Variants in ERBB4 observed in about 807,000 individuals in gnomAD.
The protein encoded by ERBB4 is receptor tyrosine-protein kinase erbB-4.
In ERBB4, 42 loss-of-function variants were observed where a neutral mutation model predicts 158.0. The ratio of observed to expected loss-of-function variants is 0.27; its 90% CI spans 0.21 to 0.34. The LOEUF is 0.34. Ranked by LOEUF, ERBB4 falls within the 10% of genes least tolerant of loss-of-function variation. The pLI is 1.00. For synonymous variants in ERBB4, 583 were observed against 558.7 expected (o/e 1.04, Z -0.61); for missense variants, 1,333 against 1,624.1 (o/e 0.82, Z 3.08).
At chr2:211,722,292 T>C (rs1559458008) in intron 7 of ERBB4, 101 bp downstream of exon 7, 4 of 981,858 alleles carry the variant, frequency 4.1e-6, no homozygotes, top group Non-Finnish European at 1.6e-6. Flanking sequence ...AAAGTACTTA[T>C]AATATTCTTA....
intron 20 of ERBB4, among the ~76,000 whole-genome samples, chr2:211,518,563 A>G (rs1232606419): frequency 1.3e-5 from 2 of 151,978 alleles, no homozygotes; most frequent in Non-Finnish European, 2.9e-5. Flanking sequence ...CTGAGGCAGG[A>G]GAATTGCTTG....
At chr2:211,524,889 C>T (rs932220783) in intron 20 of ERBB4, among the ~76,000 whole-genome samples, 5 of 152,298 alleles carry the variant, frequency 3.3e-5, no homozygotes, top group African/African-American at 4.8e-5. Flanking sequence ...GCAGAGGAGG[C>T]GCTGAGAGCG....
intron 13 of ERBB4, among the ~76,000 whole-genome samples, chr2:211,675,429 T>C (rs2072022902): frequency 2.0e-5 from 3 of 152,068 alleles, no homozygotes; most frequent in Admixed American, 1.3e-4. Flanking sequence ...AAATAAGATT[T>C]CATTGAGAAG....
chr2:212,078,945 T>C (rs2078352881), intron 2 of ERBB4, among the ~76,000 whole-genome samples: 1 of 151,238 alleles, frequency 6.6e-6, no homozygotes, highest in Non-Finnish European at 1.5e-5. Flanking sequence ...ACATACTTTT[T>C]AATAACTTAT....
intron 1 of ERBB4, among the ~76,000 whole-genome samples, chr2:212,370,744 TAA>T (rs1372299735): frequency 3.3e-5 from 5 of 152,282 alleles, no homozygotes; most frequent in Non-Finnish European, 7.4e-5. Context: ...TGTTTTTATA[TAA>T]CCCTTAAACA....
intron 1 of ERBB4, among the ~76,000 whole-genome samples, chr2:212,190,945 A>G (rs2082170449): frequency 6.6e-6 from 1 of 152,114 alleles, no homozygotes; most frequent in African/African-American, 2.4e-5. Flanking sequence ...ATGCATCTCA[A>G]TTAGACTCAG....
intron 1 of ERBB4, among the ~76,000 whole-genome samples, chr2:212,519,557 G>A (rs1021347476): frequency 6.6e-6 from 1 of 151,894 alleles, no homozygotes; most frequent in African/African-American, 2.4e-5. Flanking sequence ...GGGGCTAGAG[G>A]AGGGATAGCA....
intron 1 of ERBB4, among the ~76,000 whole-genome samples, chr2:212,444,701 T>C (rs968903205): frequency 6.6e-6 from 1 of 152,146 alleles, no homozygotes; most frequent in African/African-American, 2.4e-5. Context: ...AGGTTATGCA[T>C]GGGCTCAACA....
At chr2:211,728,092 C>G (rs971234186) in intron 5 of ERBB4, among the ~76,000 whole-genome samples, 5 of 151,628 alleles carry the variant, frequency 3.3e-5, no homozygotes, top group Non-Finnish European at 7.4e-5. Flanking sequence ...CCAAATCACA[C>G]CTTTGTATTG....
chr2:211,596,564 C>G (rs1006206415), intron 19 of ERBB4, among the ~76,000 whole-genome samples: 1 of 152,172 alleles, frequency 6.6e-6, no homozygotes, highest in Middle Eastern at 3.4e-3. Context: ...TCCTAATAAA[C>G]CTCTGCATTC....
chr2:212,000,907 T>A (rs1228369503), intron 2 of ERBB4, among the ~76,000 whole-genome samples: 1 of 151,856 alleles, frequency 6.6e-6, no homozygotes, highest in Admixed American at 6.6e-5. Flanking sequence ...AAAAAATAAA[T>A]TATATCCAAC....
intron 4 of ERBB4, among the ~76,000 whole-genome samples, chr2:211,762,845 T>A (rs2075449342): frequency 6.6e-6 from 1 of 152,222 alleles, no homozygotes; most frequent in Admixed American, 6.5e-5. Context: ...CAATCCTAGT[T>A]TTCTCTCTCT....
intron 2 of ERBB4, among the ~76,000 whole-genome samples, chr2:212,042,797 T>C (rs1465397161): frequency 1.3e-5 from 2 of 152,158 alleles, no homozygotes; most frequent in Non-Finnish European, 2.9e-5. Context: ...TGGTTTACCA[T>C]TGTGATCATT....
intron 2 of ERBB4, among the ~76,000 whole-genome samples, chr2:212,117,364 T>C (rs898662025): frequency 6.6e-6 from 1 of 152,218 alleles, no homozygotes; most frequent in Non-Finnish European, 1.5e-5. Flanking sequence ...TTCTTGAAGG[T>C]ACAGTTTCCT....
intron 8 of ERBB4, among the ~76,000 whole-genome samples, chr2:211,713,173 G>C (rs1453063836): frequency 6.6e-6 from 1 of 152,004 alleles, no homozygotes; most frequent in Non-Finnish European, 1.5e-5. Flanking sequence ...AGATAATTTT[G>C]TATATAGTGG....
At chr2:212,211,677 G>A (rs2082939799) in intron 1 of ERBB4, among the ~76,000 whole-genome samples, 1 of 150,286 alleles carries the variant, frequency 6.7e-6, no homozygotes, top group Non-Finnish European at 1.5e-5. Context: ...GTATATGTGT[G>A]CCATGGTGGT....
At chr2:211,931,907 T>C (rs759813208) in intron 3 of ERBB4, among the ~76,000 whole-genome samples, 5 of 152,226 alleles carry the variant, frequency 3.3e-5, no homozygotes, top group Non-Finnish European at 5.9e-5. Context: ...ACATATATTG[T>C]GTTCTAAACA....
intron 3 of ERBB4, among the ~76,000 whole-genome samples, chr2:211,905,674 A>G: frequency 7.8e-6 from 1 of 128,578 alleles, no homozygotes; most frequent in Non-Finnish European, 1.6e-5. Flanking sequence ...ATATATATAT[A>G]TATATATACA....
At chr2:211,720,249 T>C (rs754256535) in intron 7 of ERBB4, among the ~76,000 whole-genome samples, 7 of 152,258 alleles carry the variant, frequency 4.6e-5, no homozygotes, top group Admixed American at 1.3e-4. Context: ...TATGTGTGCC[T>C]GCTGTATTAG....
Sources: allele counts gnomAD v4.1 joint callset (sites outside exome capture counted in the v4.1 genomes callset), GRCh38; gene constraint gnomAD v4.1.1; transcripts MANE v1.5; gene names NCBI Gene and HGNC (gene_info 2026-07-23, HGNC 2026-07-21).